INSC: variants seen among roughly 807,000 people sequenced by gnomAD.
The protein encoded by INSC is protein inscuteable homolog.
INSC carries 67 observed loss-of-function variants against 58.6 expected under a neutral mutation model. That is an observed-to-expected ratio of 1.14 (90% CI 0.94 to 1.40). The LOEUF (loss-of-function observed/expected upper bound fraction) is 1.40, where lower values mean the gene tolerates loss of function less well. Ranked by LOEUF, INSC falls within the 40% of genes most tolerant of loss-of-function variation. The pLI, the probability that INSC is intolerant of heterozygous loss-of-function variation, is 0.00. For missense variants in INSC, 714 were observed against 692.0 expected, an observed-to-expected ratio of 1.03 and a Z score of -0.36; for synonymous variants, 262 against 276.1, an observed-to-expected ratio of 0.95 and a Z score of 0.51.
intron 12 of INSC, among the ~76,000 whole-genome samples, chr11:15,243,074 T>C (rs373262004): frequency 6.6e-6 from 1 of 152,210 alleles, no homozygotes; most frequent in Non-Finnish European, 1.5e-5. Context: ...TGTATATCCA[T>C]GGGACCTTGA....
intron 7 of INSC, among the ~76,000 whole-genome samples, chr11:15,212,040 A>G (rs1224145102): frequency 6.6e-6 from 1 of 152,158 alleles, no homozygotes; most frequent in African/African-American, 2.4e-5. Flanking sequence ...CAGCTTGTCA[A>G]TGTCCACAAA....
At chr11:15,218,629 A>T (rs1003742069) in intron 7 of INSC, among the ~76,000 whole-genome samples, 1 of 152,180 alleles carries the variant, frequency 6.6e-6, no homozygotes, top group Non-Finnish European at 1.5e-5. Context: ...ACCAAAAGAG[A>T]TCTGAAGCAT....
At chr11:15,236,567 G>A (rs1852138881) in intron 10 of INSC, among the ~76,000 whole-genome samples, 1 of 152,178 alleles carries the variant, frequency 6.6e-6, no homozygotes, top group Non-Finnish European at 1.5e-5. Context: ...ATGTCACCAA[G>A]GTCCAGGTGG....
chr11:15,246,014 A>G lies in INSC; in HGVS notation c.1573A>G (p.Ser525Gly). The G allele has an allele frequency of 6.2e-7, 1 of 1,614,196 alleles. No homozygotes were observed. Among genetic ancestry groups the G allele is most frequent in the Non-Finnish European group, 8.5e-7 (1 of 1,180,018 alleles). ...PRLVDSFLLC[S>G]NMEESFV ...GCTGGTGGACTCCTTCTTACTCTGC[A>G]GCAACATGGAGGAGAGTTTTGTGTA... is the stretch of plus-strand genomic sequence containing the variant. Residue 525 changes from serine (S) to glycine (G), a missense_variant, in exon 13 of 13, where the codon AGC becomes GGC. Physicochemically the swap from Ser to Gly is moderately conservative, Grantham distance 56. Coordinates refer to ENST00000379556, the MANE Select transcript of INSC (RefSeq NM_001042536.3).
chr11:15,130,720 A>G (rs545212891), intron 1 of INSC, among the ~76,000 whole-genome samples: 3 of 152,242 alleles, frequency 2.0e-5, no homozygotes, highest in Admixed American at 6.5e-5. Flanking sequence ...AAGATTTTCA[A>G]CTATTGATGA....
rs1461050968 is a variant in INSC at position 15,221,503 on chromosome 11, C to CA, written c.847dup (p.Ile283AsnfsTer14). On this transcript the variant is annotated frameshift_variant, in exon 8 of 13. Transcript: ENST00000379556. LOFTEE classifies it high-confidence loss of function. Reference sequence around the variant, plus strand: ...TGGATGGCGTTCTGTGCTTGGCCGACATCCTGACCGACAACAGCCACTCAG... The same window carrying CA: ...TGGATGGCGTTCTGTGCTTGGCCGACAATCCTGACCGACAACAGCCACTCAG... 6.2e-7 allele frequency: 1 copy of CA among 1,612,794 alleles called. No individual in the cohort carries two copies. The highest frequency in any genetic ancestry group is 2.2e-5 in the East Asian group (1 of 44,848).
chr11:15,220,564 C>G (rs956194269), intron 7 of INSC, among the ~76,000 whole-genome samples: 14 of 152,194 alleles, frequency 9.2e-5, no homozygotes, highest in African/African-American at 3.1e-4. Flanking sequence ...GAATACCAAT[C>G]CAACTGCTTT....
intron 1 of INSC, among the ~76,000 whole-genome samples, chr11:15,118,185 G>A (rs1044909816): frequency 3.3e-5 from 5 of 152,172 alleles, no homozygotes; most frequent in Non-Finnish European, 5.9e-5. Flanking sequence ...GGAGTGTGGA[G>A]GAGCACATGA....
chr11:15,210,410 T>A (rs918987071), intron 7 of INSC, among the ~76,000 whole-genome samples: 2 of 82,204 alleles, frequency 2.4e-5, no homozygotes, highest in African/African-American at 1.1e-4. Flanking sequence ...GTTCTGTGGG[T>A]TTGGGTTGTG....
the INSC span, among the ~76,000 whole-genome samples, chr11:15,258,748 C>T: frequency 2.0e-5 from 3 of 152,112 alleles, no homozygotes; most frequent in Non-Finnish European, 2.9e-5. Context: ...TGACCTGGGG[C>T]GGGTGTGTCA....
At chr11:15,171,688 T>C (rs1564882981) in intron 2 of INSC, among the ~76,000 whole-genome samples, 1 of 152,244 alleles carries the variant, frequency 6.6e-6, no homozygotes, top group Non-Finnish European at 1.5e-5. Context: ...TGTTTAGTTA[T>C]CTGTGCACTT....
downstream of INSC, among the ~76,000 whole-genome samples, chr11:15,247,736 T>TATATATATATATATATATATAC (rs1852605903): frequency 2.0e-5 from 1 of 50,236 alleles, no homozygotes. Flanking sequence ...AAATAAGGTA[T>TATATATATATATATATATATAC]ATATATATAT....
intron 10 of INSC, among the ~76,000 whole-genome samples, chr11:15,236,252 C>A (rs145891312): frequency 6.7e-6 from 1 of 148,326 alleles, no homozygotes; most frequent in Non-Finnish European, 1.5e-5. Flanking sequence ...GACAGTGCCC[C>A]GGGGAAAATG....
chr11:15,218,401 C>T (rs185199911), intron 7 of INSC, among the ~76,000 whole-genome samples: 47 of 152,176 alleles, frequency 3.1e-4, no homozygotes, highest in Non-Finnish European at 2.4e-4. Context: ...AGAGTAATGG[C>T]CCATCCAGCA....
intron 9 of INSC, among the ~76,000 whole-genome samples, chr11:15,232,127 G>GC (rs924273743): frequency 3.9e-5 from 6 of 152,196 alleles, no homozygotes; most frequent in African/African-American, 1.4e-4. Flanking sequence ...ATTTGAAAAT[G>GC]CCACAGAAGG....
At chr11:15,142,177 A>G (rs985290797) in intron 1 of INSC, among the ~76,000 whole-genome samples, 2 of 152,050 alleles carry the variant, frequency 1.3e-5, no homozygotes, top group African/African-American at 2.4e-5. Context: ...CCCTGGCAAA[A>G]TCCCTCCCTC....
intron 9 of INSC, among the ~76,000 whole-genome samples, chr11:15,228,733 C>T (rs888288090): frequency 6.6e-6 from 1 of 152,210 alleles, no homozygotes; most frequent in Non-Finnish European, 1.5e-5. Context: ...TGGATCTATA[C>T]AGACTACCTC....
intron 6 of INSC, among the ~76,000 whole-genome samples, chr11:15,193,633 A>G (rs796804145): frequency 2.0e-5 from 3 of 152,238 alleles, no homozygotes; most frequent in African/African-American, 7.2e-5. Context: ...CATCCTTTTT[A>G]TGGCTGCATA....
At chr11:15,141,684 C>G (rs1848376047) in intron 1 of INSC, among the ~76,000 whole-genome samples, 1 of 152,118 alleles carries the variant, frequency 6.6e-6, no homozygotes, top group Non-Finnish European at 1.5e-5. Flanking sequence ...GCCACCACAG[C>G]TAGCAATAGC....
Sources: gnomAD v4.1 joint callset for allele counts (sites outside exome capture counted in the v4.1 genomes callset) on GRCh38, gnomAD v4.1.1 for gene constraint, MANE v1.5 for transcripts, NCBI Gene and HGNC (gene_info 2026-07-23, HGNC 2026-07-21) for gene names.